The following TNR variants were observed in gnomAD, a reference collection of about 807,000 sequenced individuals.
The protein encoded by TNR is tenascin-R.
A neutral mutation model predicts 150.4 loss-of-function variants in TNR; 45 were observed. The ratio of observed to expected loss-of-function variants is 0.30; its 90% CI spans 0.24 to 0.38. The LOEUF is 0.38. Ranked by LOEUF, TNR falls within the 10% of genes least tolerant of loss-of-function variation. The pLI is 1.00. For missense variants in TNR, 1,544 were observed against 1,759.1 expected (o/e 0.88, Z 2.19); for synonymous variants, 687 against 678.4 (o/e 1.01, Z -0.20).
At chr1:175,554,325 G>T in intron 1 of TNR, among the ~76,000 whole-genome samples, 1 of 113,358 alleles carries the variant, frequency 8.8e-6, no homozygotes, top group African/African-American at 3.5e-5. Flanking sequence ...TTAACAAAAA[G>T]ATGTCCTACA....
At chr1:175,725,019 T>C (rs60826741) in intron 1 of TNR, among the ~76,000 whole-genome samples, 4 of 152,306 alleles carry the variant, frequency 2.6e-5, no homozygotes, top group East Asian at 1.9e-4. Flanking sequence ...CTGGATCATA[T>C]AGAGCCTCGT....
chr1:175,385,883 T>A, intron 8 of TNR, 149 bp downstream of exon 8: 1 of 881,898 alleles, frequency 1.1e-6, no homozygotes. Context: ...GCTGGAAACC[T>A]CTTGCTTCCT....
At chr1:175,465,080 G>A (rs1207981465) in intron 2 of TNR, among the ~76,000 whole-genome samples, 1 of 152,130 alleles carries the variant, frequency 6.6e-6, no homozygotes, top group Non-Finnish European at 1.5e-5. Flanking sequence ...CATAAGCCAG[G>A]TGGCATCCAC....
chr1:175,676,495 G>C lies in TNR; in HGVS notation c.-165+66731C>G, dbSNP rs555876871. ...CGGAGCAGGCCATGCAGACCTGGCT[G>C]TGTGTGCAGAGTTGGGACAGCTGGC... On this transcript the variant is annotated intron_variant, in intron 1 of 22. Coordinates refer to ENST00000367674, the MANE Select transcript of TNR (RefSeq NM_003285.3). Among the ~76,000 whole-genome samples the C allele has an allele frequency of 8.0e-4, 122 of 152,112 alleles. 1 individual carries two copies. Among genetic ancestry groups the C allele is most frequent in the Non-Finnish European group, 4.4e-4 (30 of 68,026 alleles).
At chr1:175,738,047 G>C (rs1667823159) in intron 1 of TNR, among the ~76,000 whole-genome samples, 1 of 152,130 alleles carries the variant, frequency 6.6e-6, no homozygotes, top group South Asian at 2.1e-4. Context: ...TTAGCAATGA[G>C]AGTCTGAATA....
chr1:175,607,155 C>T (rs954413433), intron 1 of TNR, among the ~76,000 whole-genome samples: 3 of 152,168 alleles, frequency 2.0e-5, no homozygotes, highest in Non-Finnish European at 4.4e-5. Context: ...TCTTTATCTC[C>T]AGTGTTTATG....
intron 1 of TNR, among the ~76,000 whole-genome samples, chr1:175,702,823 A>G (rs746519103): frequency 3.5e-4 from 54 of 152,348 alleles, no homozygotes; most frequent in Middle Eastern, 6.8e-3. Context: ...GAGGATGTAG[A>G]TATCTTTCTG....
At chr1:175,399,775 T>G (rs775220489) in intron 4 of TNR, among the ~76,000 whole-genome samples, 9 of 152,242 alleles carry the variant, frequency 5.9e-5, no homozygotes, top group Non-Finnish European at 1.2e-4. Flanking sequence ...AGGAATAAAC[T>G]GTGGCTTGAG....
At chr1:175,546,036 G>A (rs973297367) in intron 1 of TNR, among the ~76,000 whole-genome samples, 1 of 152,218 alleles carries the variant, frequency 6.6e-6, no homozygotes, top group Non-Finnish European at 1.5e-5. Flanking sequence ...GGGGTACCAA[G>A]TTGGTTTGTT....
chr1:175,374,129 A>C (rs1322849397), intron 9 of TNR, among the ~76,000 whole-genome samples: 1 of 152,208 alleles, frequency 6.6e-6, no homozygotes, highest in African/African-American at 2.4e-5. Context: ...GCACTGGCCC[A>C]TCAGGGAGTG....
At chr1:175,697,332 A>G (rs533510682) in intron 1 of TNR, among the ~76,000 whole-genome samples, 5 of 145,542 alleles carry the variant, frequency 3.4e-5, no homozygotes, top group Non-Finnish European at 7.5e-5. Context: ...AGCAACAAAC[A>G]GCTCCTTTCT....
rs529660311 is a variant in TNR, at chr1:175,535,427, T to A, written c.-164-7058A>T. ...TTTTTCTGCTTTATCTGTATTTCTTTTTTATTTATTTATTTATTTTTTGTT... is the reference window on the plus strand; with the variant it reads ...TTTTTCTGCTTTATCTGTATTTCTTATTTATTTATTTATTTATTTTTTGTT... On this transcript the variant is annotated intron_variant, in intron 1 of 22. Coordinates refer to ENST00000367674, the MANE Select transcript of TNR (RefSeq NM_003285.3). 6.7e-5 allele frequency among the ~76,000 whole-genome samples: 10 copies of A among 149,360 alleles called. No individual in the cohort carries two copies. In the East Asian group the frequency reaches 9.9e-4, roughly 15 times the overall value.
At position 175,479,793 on chromosome 1, in the gene TNR, C is replaced by T. The variant is rs562229603; in HGVS notation, c.-64+48476G>A. Among the ~76,000 whole-genome samples, 16 of 152,126 alleles carry T rather than the reference C, an allele frequency of 1.1e-4. 1 individual carries two copies. Among genetic ancestry groups the T allele is most frequent in the African/African-American group, 3.6e-4 (15 of 41,504 alleles). ...ATGCTTTGTGGCTAGTAGGTTCCTT[C>T]GAAAAACCTCCCAGCTGCTGTGGGT... On this transcript the variant is annotated intron_variant, in intron 2 of 22. Transcript: ENST00000367674.
Position 175,316,243 on chromosome 1 carries a change from C to T in TNR, c.*7114G>A, listed in dbSNP as rs1648839495. ...AGCTGATATTGTAGCCAACTGTCTTCTGATGCCTTCCCACCCACTAGGGAT... is the reference window on the plus strand; with the variant it reads ...AGCTGATATTGTAGCCAACTGTCTTTTGATGCCTTCCCACCCACTAGGGAT... On this transcript the variant is annotated 3_prime_UTR_variant, in exon 23 of 23. Transcript: ENST00000367674. 1.3e-5 allele frequency: 2 copies of T among 152,250 alleles called. No individual in the cohort carries two copies. The highest frequency in any genetic ancestry group is 1.3e-4 in the Admixed American group (2 of 15,280). 9.4% of individuals were successfully genotyped at this position (152,250 alleles called of 1,614,324 possible).
At chr1:175,334,689 C>G (rs1199021128) in intron 20 of TNR, among the ~76,000 whole-genome samples, 1 of 152,212 alleles carries the variant, frequency 6.6e-6, no homozygotes, top group African/African-American at 2.4e-5. Context: ...ATGATTTTAT[C>G]CCCAACCAAT....
intron 9 of TNR, among the ~76,000 whole-genome samples, chr1:175,372,862 G>T (rs1476964079): frequency 6.6e-6 from 1 of 152,126 alleles, no homozygotes; most frequent in Non-Finnish European, 1.5e-5. Context: ...TGAGGTTAGG[G>T]GTGTGATTGG....
chr1:175,414,954 A>G (rs71645245), intron 2 of TNR, among the ~76,000 whole-genome samples: 13,784 of 150,866 alleles, frequency 0.091, 747 homozygotes, highest in Middle Eastern at 0.21. Context: ...AAAAAAAAAA[A>G]AGGTGCAGGA....
intron 1 of TNR, among the ~76,000 whole-genome samples, chr1:175,660,711 C>CT (rs1373073755): frequency 6.6e-6 from 1 of 152,228 alleles, no homozygotes; most frequent in African/African-American, 2.4e-5. Context: ...GAGACCACAG[C>CT]TCCTTGGATG....
rs74387279 is a variant in TNR, at chr1:175,720,427, T to C, written c.-165+22799A>G. 2.7e-3 allele frequency among the ~76,000 whole-genome samples: 415 copies of C among 152,364 alleles called. 1 individual carries two copies. Among genetic ancestry groups the C allele is most frequent in the African/African-American group, 9.6e-3 (399 of 41,578 alleles). On this transcript the variant is annotated intron_variant, in intron 1 of 22. Coordinates refer to ENST00000367674, the MANE Select transcript of TNR (RefSeq NM_003285.3). ...CCTGTTGTTTAAACCTCCTAGGCTA[T>C]GGTGTTTCATTATGGCAGCCTTAGC... is the stretch of plus-strand genomic sequence containing the variant.
Sources: gnomAD v4.1 joint callset for allele counts (sites outside exome capture counted in the v4.1 genomes callset) on GRCh38, gnomAD v4.1.1 for gene constraint, MANE v1.5 for transcripts, NCBI Gene and HGNC (gene_info 2026-07-23, HGNC 2026-07-21) for gene names.